The following ZYG11B variants were observed in gnomAD, a reference collection of about 807,000 sequenced individuals.
ZYG11B encodes zyg-11 family member B, cell cycle regulator.
ZYG11B carries 36 observed loss-of-function variants against 82.4 expected under a neutral mutation model. The observed-to-expected ratio is 0.44, with a 90% CI of 0.33 to 0.58. ZYG11B has a LOEUF of 0.58. ZYG11B is among the 20% of genes least tolerant of loss of function. ZYG11B has a pLI of 0.02. For missense variants in ZYG11B, 552 were observed against 895.6 expected, an observed-to-expected ratio of 0.62 and a Z score of 4.90; for synonymous variants, 303 against 312.8, an observed-to-expected ratio of 0.97 and a Z score of 0.33.
chr1:52,803,157 C>T lies in ZYG11B; in HGVS notation c.1695+1018C>T, dbSNP rs796936770. ...ATACACACATATATATATATATACA[C>T]ATATATATATACACACATATATATA... On this transcript the variant is annotated intron_variant, in intron 10 of 13. Transcript: ENST00000294353. 5.2e-3 allele frequency among the ~76,000 whole-genome samples: 223 copies of T among 42,726 alleles called. 1 individual carries two copies. Among genetic ancestry groups the T allele is most frequent in the East Asian group, 0.016 (20 of 1,236 alleles). The allele number at this position is 42,726 out of a possible 152,430, so 28.0% of individuals were successfully genotyped here. A position where few individuals can be genotyped will look rare whatever the true frequency, so the allele number is the denominator to read the frequency against.
At chr1:52,797,004 T>TA (rs370295685) in intron 8 of ZYG11B, among the ~76,000 whole-genome samples, 1 of 52,312 alleles carries the variant, frequency 1.9e-5, no homozygotes, top group Non-Finnish European at 3.5e-5. Context: ...TATAAATATA[T>TA]TATATATTTA....
At chr1:52,750,380 C>G (rs181810675) in intron 1 of ZYG11B, among the ~76,000 whole-genome samples, 3 of 151,930 alleles carry the variant, frequency 2.0e-5, no homozygotes, top group Non-Finnish European at 2.9e-5. Context: ...TCAAGTGATT[C>G]TCCTGCCTCA....
At chr1:52,731,991 T>C (rs957626407) in intron 1 of ZYG11B, among the ~76,000 whole-genome samples, 1 of 152,140 alleles carries the variant, frequency 6.6e-6, no homozygotes, top group Non-Finnish European at 1.5e-5. Flanking sequence ...TCTGTAGAGA[T>C]GGGGTTTCAC....
chr1:52,727,868 C>T (rs573631497), intron 1 of ZYG11B, among the ~76,000 whole-genome samples: 1 of 152,294 alleles, frequency 6.6e-6, no homozygotes, highest in Admixed American at 6.5e-5. Context: ...AAATTTTGGT[C>T]TCTGGGAGGA....
At chr1:52,756,761 C>A (rs1185447882) in intron 2 of ZYG11B, 138 bp downstream of exon 2, 12 of 650,926 alleles carry the variant, frequency 1.8e-5, no homozygotes, top group African/African-American at 3.7e-5. Flanking sequence ...ACTATGAATT[C>A]ATTTATTTTT....
intron 3 of ZYG11B, among the ~76,000 whole-genome samples, chr1:52,778,216 T>C (rs1201425854): frequency 6.6e-6 from 1 of 152,250 alleles, no homozygotes; most frequent in Non-Finnish European, 1.5e-5. Context: ...CATCCCTTTC[T>C]TTTCCTTATA....
chr1:52,784,774 T>C (rs976152299), intron 4 of ZYG11B, 103 bp from the exon 5 acceptor site: 1 of 1,301,290 alleles, frequency 7.7e-7, no homozygotes, highest in African/African-American at 1.5e-5. Flanking sequence ...AAAAGAAAAT[T>C]ATGACATCTT....
At chr1:52,740,643 G>A (rs1644416246) in intron 1 of ZYG11B, among the ~76,000 whole-genome samples, 1 of 147,676 alleles carries the variant, frequency 6.8e-6, no homozygotes, top group Non-Finnish European at 1.5e-5. Flanking sequence ...AGCTCACTGC[G>A]ACCTCCGCCT....
chr1:52,742,111 AG>A (rs1303845101), intron 1 of ZYG11B, among the ~76,000 whole-genome samples: 1 of 152,214 alleles, frequency 6.6e-6, no homozygotes, highest in Non-Finnish European at 1.5e-5. Context: ...GTTCTGTTAC[AG>A]GAATTGTCAG....
At chr1:52,790,599 G>T (rs9436474) in intron 6 of ZYG11B, among the ~76,000 whole-genome samples, 89,545 of 151,442 alleles carry the variant, frequency 0.59, 29,207 homozygotes, top group East Asian at 0.97. Context: ...CGCACGCCTG[G>T]AATCCCAGCT....
intron 6 of ZYG11B, among the ~76,000 whole-genome samples, chr1:52,795,821 C>T (rs1338779846): frequency 6.6e-6 from 1 of 152,086 alleles, no homozygotes; most frequent in Non-Finnish European, 1.5e-5. Context: ...AATGTAAGCT[C>T]TATGAAAGTA....
chr1:52,795,916 G>GTGAA (rs1225027762), intron 6 of ZYG11B, among the ~76,000 whole-genome samples: 8 of 152,148 alleles, frequency 5.3e-5, no homozygotes, highest in Non-Finnish European at 8.8e-5. Flanking sequence ...ATATATGTTT[G>GTGAA]TGAATGAATG....
chr1:52,741,364 G>A (rs1250257513), intron 1 of ZYG11B, among the ~76,000 whole-genome samples: 1 of 148,624 alleles, frequency 6.7e-6, no homozygotes, highest in African/African-American at 2.5e-5. Context: ...ACTAAGAGGA[G>A]ATTTTCCATG....
intron 5 of ZYG11B, among the ~76,000 whole-genome samples, chr1:52,787,409 C>G (rs977856786): frequency 1.3e-5 from 2 of 152,068 alleles, no homozygotes; most frequent in African/African-American, 2.4e-5. Context: ...CTGTTAAACA[C>G]AAAATTTAGC....
chr1:52,757,448 G>A (rs1332019819), intron 2 of ZYG11B, among the ~76,000 whole-genome samples: 1 of 152,186 alleles, frequency 6.6e-6, no homozygotes, highest in South Asian at 2.1e-4. Context: ...GGCCGAGGCA[G>A]GTGAATCACC....
chr1:52,756,581 C>G lies in ZYG11B; in HGVS notation c.154C>G (p.Gln52Glu). Reference protein sequence around the residue: ...LCLQEPGVFPQEVADRLLRTM... With the variant: ...LCLQEPGVFPEEVADRLLRTM... ...TCTGCAGGAACCTGGAGTATTCCCA[C>G]AGGAGGTGGCTGATCGACTGCTTCG... Residue 52 changes from glutamine to glutamate, a missense_variant, in exon 2 of 14, where the codon CAG becomes GAG. By Grantham distance (29) the Gln-to-Glu change is conservative (BLOSUM62 2). Coordinates refer to ENST00000294353, the MANE Select transcript of ZYG11B (RefSeq NM_024646.3). 6.2e-7 allele frequency: 1 copy of G among 1,613,980 alleles called. No individual in the cohort carries two copies. The highest frequency in any genetic ancestry group is 8.5e-7 in the Non-Finnish European group (1 of 1,179,980).
At chr1:52,819,704 T>C (rs1259167048) in intron 13 of ZYG11B, among the ~76,000 whole-genome samples, 1 of 151,046 alleles carries the variant, frequency 6.6e-6, no homozygotes, top group Non-Finnish European at 1.5e-5. Flanking sequence ...GGAAAATCAC[T>C]TGAACTGGGA....
chr1:52,770,311 G>A (rs181568952), intron 2 of ZYG11B, among the ~76,000 whole-genome samples: 5 of 151,968 alleles, frequency 3.3e-5, no homozygotes, highest in African/African-American at 7.2e-5. Context: ...GGCCTAGATC[G>A]CTTTAATAAG....
intron 10 of ZYG11B, among the ~76,000 whole-genome samples, chr1:52,812,711 G>GGTTTGTTTGTTTGTTT (rs59906595): frequency 6.7e-6 from 1 of 149,684 alleles, no homozygotes; most frequent in Admixed American, 6.7e-5. Context: ...GGCTGTTTTG[G>GGTTTGTTTGTTTGTTT]GTTTGTTTGT....
Sources: gnomAD v4.1 joint callset for allele counts (sites outside exome capture counted in the v4.1 genomes callset) on GRCh38, gnomAD v4.1.1 for gene constraint, MANE v1.5 for transcripts, NCBI Gene and HGNC (gene_info 2026-07-23, HGNC 2026-07-21) for gene names.